The following ARHGAP15 variants were observed in gnomAD, a reference collection of about 807,000 sequenced individuals.
ARHGAP15 encodes the protein Rho GTPase activating protein 15.
Under a neutral mutation model 63.7 loss-of-function variants are expected in ARHGAP15, and 51 were observed. That is an observed-to-expected ratio of 0.80 (90% CI 0.64 to 1.01). ARHGAP15 has a LOEUF of 1.01. Ranked by LOEUF, ARHGAP15 falls within the 50% of genes least tolerant of loss-of-function variation. The pLI, the probability that ARHGAP15 is intolerant of heterozygous loss-of-function variation, is 0.00. For missense variants in ARHGAP15, 560 were observed against 564.6 expected, an observed-to-expected ratio of 0.99 and a Z score of 0.08; for synonymous variants, 191 against 193.8, an observed-to-expected ratio of 0.99 and a Z score of 0.12.
chr2:143,357,620 T>C (rs924358780), intron 6 of ARHGAP15, among the ~76,000 whole-genome samples: 1 of 152,214 alleles, frequency 6.6e-6, no homozygotes, highest in Non-Finnish European at 1.5e-5. Flanking sequence ...TGTAAAATGT[T>C]AAAGTACAAG....
chr2:143,277,309 T>TAAAG (rs1193791868), intron 6 of ARHGAP15, among the ~76,000 whole-genome samples: 2 of 152,072 alleles, frequency 1.3e-5, no homozygotes, highest in African/African-American at 4.8e-5. Flanking sequence ...CTTATTTCTT[T>TAAAG]AGTGTAACTG....
At chr2:143,221,860 G>A (rs562662792) in intron 4 of ARHGAP15, among the ~76,000 whole-genome samples, 8 of 152,170 alleles carry the variant, frequency 5.3e-5, no homozygotes, top group African/African-American at 1.7e-4. Context: ...CAGTGGTTAC[G>A]TCTACTAGTG....
At chr2:143,426,298 T>C (rs1442279955) in intron 6 of ARHGAP15, among the ~76,000 whole-genome samples, 1 of 152,196 alleles carries the variant, frequency 6.6e-6, no homozygotes, top group Non-Finnish European at 1.5e-5. Flanking sequence ...AGGCTGTGAA[T>C]CCTTAGATTT....
intron 13 of ARHGAP15, among the ~76,000 whole-genome samples, chr2:143,712,022 G>A (rs1044408580): frequency 6.6e-6 from 1 of 152,154 alleles, no homozygotes; most frequent in Non-Finnish European, 1.5e-5. Context: ...TATTCATAAA[G>A]ACCACAGTTT....
intron 11 of ARHGAP15, among the ~76,000 whole-genome samples, chr2:143,621,619 AATT>A (rs1235800592): frequency 6.6e-6 from 1 of 152,218 alleles, no homozygotes; most frequent in African/African-American, 2.4e-5. Flanking sequence ...AAGGGCTACA[AATT>A]ATTATTATTT....
At chr2:143,619,377 T>C (rs1698572231) in intron 11 of ARHGAP15, among the ~76,000 whole-genome samples, 1 of 152,196 alleles carries the variant, frequency 6.6e-6, no homozygotes, top group Non-Finnish European at 1.5e-5. Flanking sequence ...TGTGTGTGTG[T>C]ATGTGTGTGT....
At position 143,626,056 on chromosome 2, in the gene ARHGAP15, A is replaced by T. The variant is rs572123936; in HGVS notation, c.1138+1789A>T. Among the ~76,000 whole-genome samples the T allele has an allele frequency of 9.9e-5, 15 of 152,250 alleles. No homozygotes were observed. In the South Asian group the frequency reaches 3.1e-3, roughly 32 times the overall value. ...TCTAAGGAGTAGGATCATCTCAGGG[A>T]TATTCTAGACTTAAGTCCAAATTTT... On this transcript the variant is annotated intron_variant, in intron 12 of 13. Transcript: ENST00000295095.
chr2:143,705,022 C>G (rs1684262664), intron 13 of ARHGAP15, among the ~76,000 whole-genome samples: 1 of 152,142 alleles, frequency 6.6e-6, no homozygotes, highest in South Asian at 2.1e-4. Flanking sequence ...ATGGTTGCTT[C>G]TAATGTTAAA....
At chr2:143,396,939 G>A (rs900025900) in intron 6 of ARHGAP15, among the ~76,000 whole-genome samples, 3 of 152,060 alleles carry the variant, frequency 2.0e-5, no homozygotes, top group African/African-American at 7.2e-5. Flanking sequence ...AAGGCGATGA[G>A]GTATAGTGAG....
chr2:143,333,716 G>A (rs767167879), intron 6 of ARHGAP15, among the ~76,000 whole-genome samples: 144 of 152,252 alleles, frequency 9.5e-4, no homozygotes, highest in Non-Finnish European at 1.8e-3. Context: ...AAAAATAAGA[G>A]TGTTGCTTTG....
chr2:143,614,598 T>A (rs958680082), intron 11 of ARHGAP15, among the ~76,000 whole-genome samples: 1 of 152,182 alleles, frequency 6.6e-6, no homozygotes, highest in African/African-American at 2.4e-5. Flanking sequence ...GAGGTTAAAA[T>A]TTGATAGGTG....
chr2:143,427,407 A>G (rs1037652558), intron 6 of ARHGAP15, among the ~76,000 whole-genome samples: 2 of 152,182 alleles, frequency 1.3e-5, no homozygotes, highest in Non-Finnish European at 2.9e-5. Flanking sequence ...GCTGATGGAC[A>G]GCAATGAGCA....
intron 6 of ARHGAP15, among the ~76,000 whole-genome samples, chr2:143,368,116 C>T (rs1419477708): frequency 1.3e-5 from 2 of 152,030 alleles, no homozygotes; most frequent in African/African-American, 2.4e-5. Context: ...ATAAAGGACA[C>T]ATTTAAAGCC....
intron 11 of ARHGAP15, among the ~76,000 whole-genome samples, chr2:143,595,766 C>T (rs967135797): frequency 6.6e-6 from 1 of 152,102 alleles, no homozygotes; most frequent in Non-Finnish European, 1.5e-5. Context: ...CTCTGAGATG[C>T]ATATTTCCCA....
intron 2 of ARHGAP15, among the ~76,000 whole-genome samples, chr2:143,179,574 G>C (rs1004067890): frequency 1.3e-5 from 2 of 152,114 alleles, no homozygotes; most frequent in Non-Finnish European, 2.9e-5. Context: ...TCTATTAAGA[G>C]AGCAATATCA....
intron 13 of ARHGAP15, among the ~76,000 whole-genome samples, chr2:143,718,091 G>A (rs949932536): frequency 4.6e-5 from 7 of 151,948 alleles, no homozygotes; most frequent in Non-Finnish European, 1.0e-4. Flanking sequence ...TTTTCATGTC[G>A]TTGGGGTTTT....
intron 2 of ARHGAP15, among the ~76,000 whole-genome samples, chr2:143,158,387 G>A (rs1458756213): frequency 7.2e-5 from 11 of 151,846 alleles, no homozygotes; most frequent in Admixed American, 3.3e-4. Flanking sequence ...CTATGCAAAC[G>A]TAGGTGAATT....
chr2:143,273,057 T>TTG (rs35926836), intron 6 of ARHGAP15, among the ~76,000 whole-genome samples: 73,076 of 151,726 alleles, frequency 0.48, 17,796 homozygotes, highest in Admixed American at 0.6. Context: ...TTCATTGTTC[T>TTG]TGTGTCTTTT....
intron 1 of ARHGAP15, among the ~76,000 whole-genome samples, chr2:143,145,832 G>T (rs1019928506): frequency 1.5e-5 from 2 of 132,658 alleles, no homozygotes; most frequent in Non-Finnish European, 3.2e-5. Flanking sequence ...ATTTATATAT[G>T]TATAGGGGTG....
Sources: allele counts gnomAD v4.1 joint callset (sites outside exome capture counted in the v4.1 genomes callset), GRCh38; gene constraint gnomAD v4.1.1; transcripts MANE v1.5; gene names NCBI Gene and HGNC (gene_info 2026-07-23, HGNC 2026-07-21).